Variants in ANXA13 observed in about 807,000 individuals in gnomAD.
ANXA13 encodes annexin XIII.
ANXA13 carries 36 observed loss-of-function variants against 46.6 expected under a neutral mutation model. That is an observed-to-expected ratio of 0.77 (90% CI 0.59 to 1.02). The LOEUF is 1.02. Ranked by LOEUF, ANXA13 falls within the 50% of genes least tolerant of loss-of-function variation. The probability of loss-of-function intolerance (pLI) is 0.00; values close to 1 mark genes in which losing one functional copy is unlikely to be tolerated. For synonymous variants in ANXA13, 163 were observed against 152.9 expected (o/e 1.07, Z -0.49); for missense variants, 417 against 396.5 (o/e 1.05, Z -0.44).
intron 9 of ANXA13, among the ~76,000 whole-genome samples, chr8:123,686,822 G>A (rs539124381): frequency 3.7e-4 from 57 of 152,280 alleles, no homozygotes; most frequent in Admixed American, 9.8e-4. Context: ...AACTGGCATC[G>A]CTGTAAGTTA....
At position 123,734,935 on chromosome 8, in the gene ANXA13, T is replaced by G. The variant is rs76079069; in HGVS notation, c.15+2385A>C. ...AGAGGGAGATTTAATAGAAACACCA[T>G]GTGTGTAAGCCGAGAGAAGGTCCCA... On this transcript the variant is annotated intron_variant, in intron 1 of 10. Transcript: ENST00000419625. Among the ~76,000 whole-genome samples the G allele has an allele frequency of 5.0e-4, 76 of 151,826 alleles. 1 individual carries two copies. In the East Asian group the frequency reaches 8.5e-3, roughly 17 times the overall value.
At chr8:123,722,098 A>C (rs930972089) in intron 1 of ANXA13, among the ~76,000 whole-genome samples, 1 of 152,136 alleles carries the variant, frequency 6.6e-6, no homozygotes, top group Admixed American at 6.6e-5. Flanking sequence ...TGAGACCAGG[A>C]GTTCAAGACC....
At chr8:123,688,980 G>T (rs1361705257) in intron 8 of ANXA13, 34 bp from the exon 9 acceptor site, 3 of 1,608,696 alleles carry the variant, frequency 1.9e-6, no homozygotes, top group Non-Finnish European at 2.6e-6. Context: ...TGTTATTCCA[G>T]GTTTGCCTTT....
intron 9 of ANXA13, among the ~76,000 whole-genome samples, chr8:123,686,796 C>T (rs2129823848): frequency 6.6e-6 from 1 of 152,302 alleles, no homozygotes; most frequent in East Asian, 1.9e-4. Context: ...CCCCCTGCTC[C>T]TAGATGTTAG....
intron 3 of ANXA13, among the ~76,000 whole-genome samples, chr8:123,701,753 CTT>C (rs11312821): frequency 0.23 from 34,079 of 149,144 alleles, 4,011 homozygotes; most frequent in Middle Eastern, 0.26. Flanking sequence ...TCCTGGTTCT[CTT>C]TTTTTTTTTT....
Position 123,717,960 on chromosome 8 carries a change from T to G in ANXA13, c.16-5207A>C, listed in dbSNP as rs533583709. On this transcript the variant is annotated intron_variant, in intron 1 of 10. Coordinates refer to ENST00000419625, the MANE Select transcript of ANXA13 (RefSeq NM_004306.4). ...TAACGCTGTACCTCTGGCTTGGGGC[T>G]CACGCCCAGACTCGCACCCAGGCTC... Among the ~76,000 whole-genome samples, 140 of 152,360 alleles carry G rather than the reference T, an allele frequency of 9.2e-4. 1 individual carries two copies. The highest frequency in any genetic ancestry group is 3.4e-3 in the Middle Eastern group (1 of 294).
chr8:123,705,644 G>T (rs1386923794), intron 2 of ANXA13, among the ~76,000 whole-genome samples: 2 of 152,216 alleles, frequency 1.3e-5, no homozygotes, highest in Non-Finnish European at 2.9e-5. Context: ...CTGTTACAGT[G>T]TCACTTACTG....
rs568793607 is a variant in ANXA13, at chr8:123,736,210, A to G, written c.15+1110T>C. 2.0e-5 allele frequency among the ~76,000 whole-genome samples: 3 copies of G among 152,358 alleles called. 1 individual carries two copies. The highest frequency in any genetic ancestry group is 3.9e-4 in the East Asian group (2 of 5,190). On this transcript the variant is annotated intron_variant, in intron 1 of 10. Transcript: ENST00000419625. ...ATATATAGCGAAGGAAAAACCTTAT[A>G]GACAAAGTAACAGTTTACAGAAAGT...
Position 123,697,072 on chromosome 8 carries a change from G to T in ANXA13, c.357+1317C>A, listed in dbSNP as rs1452432075. Among the ~76,000 whole-genome samples, 3 of 152,098 alleles carry T rather than the reference G, an allele frequency of 2.0e-5. No individual in the cohort carries two copies. In the East Asian group the frequency reaches 5.8e-4, roughly 29 times the overall value. On this transcript the variant is annotated intron_variant, in intron 4 of 10. Transcript: ENST00000419625. Reference sequence around the variant, plus strand: ...TTACAGATGCATGGCGCCACACCTGGCTAATTTTTGTATTTTTAGTAGAGA... The same window carrying T: ...TTACAGATGCATGGCGCCACACCTGTCTAATTTTTGTATTTTTAGTAGAGA...
At position 123,689,263 on chromosome 8, in the gene ANXA13, A is replaced by C. The variant is rs181846860; in HGVS notation, c.643-317T>G. On this transcript the variant is annotated intron_variant, in intron 8 of 10. Transcript: ENST00000419625. Reference sequence around the variant, plus strand: ...TAATATATAATATATATTATAATATATATAATTAATATATTATATATACTA... The same window carrying C: ...TAATATATAATATATATTATAATATCTATAATTAATATATTATATATACTA... 1.6e-4 allele frequency among the ~76,000 whole-genome samples: 23 copies of C among 147,922 alleles called. No homozygotes were observed. The East Asian group carries it at 1.6e-3, about 10-fold the overall frequency.
intron 9 of ANXA13, among the ~76,000 whole-genome samples, chr8:123,687,152 C>A (rs1813155472): frequency 6.6e-6 from 1 of 152,158 alleles, no homozygotes; most frequent in Non-Finnish European, 1.5e-5. Context: ...CCAGCACAAA[C>A]CCTGGGCCCA....
chr8:123,733,790 C>T (rs144013687), intron 1 of ANXA13, among the ~76,000 whole-genome samples: 1,559 of 152,284 alleles, frequency 0.01, 26 homozygotes, highest in African/African-American at 0.033. Flanking sequence ...AACCCTGATG[C>T]GCAGGACAAC....
At chr8:123,712,209 TG>T (rs1181672965) in intron 2 of ANXA13, 2 of 168,388 alleles carry the variant, frequency 1.2e-5, no homozygotes, top group African/African-American at 4.8e-5. Flanking sequence ...TCCTTTCACT[TG>T]GTTCTCATTC....
intron 8 of ANXA13, among the ~76,000 whole-genome samples, chr8:123,689,494 A>G (rs1813195336): frequency 6.6e-6 from 1 of 152,094 alleles, no homozygotes; most frequent in African/African-American, 2.4e-5. Context: ...AACTTGATCT[A>G]AAGTTCCTGA....
At chr8:123,700,493 TA>T (rs1813424253) in intron 3 of ANXA13, among the ~76,000 whole-genome samples, 1 of 152,240 alleles carries the variant, frequency 6.6e-6, no homozygotes, top group Non-Finnish European at 1.5e-5. Context: ...GTTGGGATTC[TA>T]GATTATCTGT....
At chr8:123,699,061 T>C (rs1813397144) in intron 3 of ANXA13, among the ~76,000 whole-genome samples, 1 of 152,208 alleles carries the variant, frequency 6.6e-6, no homozygotes, top group African/African-American at 2.4e-5. Context: ...AAGAGGATTG[T>C]CATGGGAAGA....
chr8:123,705,270 G>C (rs1468816007), intron 2 of ANXA13, among the ~76,000 whole-genome samples: 2 of 152,062 alleles, frequency 1.3e-5, no homozygotes, highest in African/African-American at 2.4e-5. Flanking sequence ...CCGATACCAG[G>C]CTCTGATCTC....
In ANXA13 at chr8:123,688,822, G is replaced by A. The variant is rs369289449; in HGVS notation, c.718+49C>T. On this transcript the variant is annotated intron_variant, in intron 9 of 10. Coordinates refer to ENST00000419625, the MANE Select transcript of ANXA13 (RefSeq NM_004306.4). ...ACACACAAACCTCTGTCTGAGTCTG[G>A]TTCCAGGCAGCCCAACCTAAGACAG... is the stretch of plus-strand genomic sequence containing the variant. 1.1e-5 allele frequency: 17 copies of A among 1,558,598 alleles called. No homozygotes were observed. In the African/African-American group the frequency reaches 1.8e-4, roughly 16 times the overall value.
At chr8:123,709,132 G>A (rs893194136) in intron 2 of ANXA13, among the ~76,000 whole-genome samples, 6 of 152,178 alleles carry the variant, frequency 3.9e-5, no homozygotes, top group Admixed American at 6.5e-5. Context: ...TGCTCATACC[G>A]ATCTCACTGG....
Sources: allele counts gnomAD v4.1 joint callset (sites outside exome capture counted in the v4.1 genomes callset), GRCh38; gene constraint gnomAD v4.1.1; transcripts MANE v1.5; gene names NCBI Gene and HGNC (gene_info 2026-07-23, HGNC 2026-07-21).